HEXIM2: variants seen among roughly 807,000 people sequenced by gnomAD.
The protein encoded by HEXIM2 is protein HEXIM2.
For missense variants in HEXIM2, 413 were observed against 390.8 expected (o/e 1.06, Z -0.48); for synonymous variants, 159 against 162.7 (o/e 0.98, Z 0.17).
Position 45,161,962 on chromosome 17 carries a change from T to G in HEXIM2, c.-262T>G, listed in dbSNP as rs1459941524. 3.0e-6 allele frequency: 3 copies of G among 985,480 alleles called. No individual in the cohort carries two copies. The highest frequency in any genetic ancestry group is 1.2e-4 in the Admixed American group (2 of 16,264). The allele number at this position is 985,480 out of a possible 1,614,324, so 61.0% of individuals were successfully genotyped here. ...GAGGTAGGGCTCAGGCGTTGGGAAT[T>G]GCACCGACAGGCAGTCGCACAGAAA... On this transcript the variant is annotated 5_prime_UTR_variant, in exon 1 of 4. It adds an upstream start codon to the 5' untranslated region. Transcript: ENST00000589230.
intron 3 of HEXIM2, among the ~76,000 whole-genome samples, chr17:45,166,302 T>C (rs2042841012): frequency 6.6e-6 from 1 of 152,090 alleles, no homozygotes; most frequent in Admixed American, 6.6e-5. Flanking sequence ...TTTTTTGTAA[T>C]TTTTGGTAGA....
rs760054542 is a variant in HEXIM2 at position 45,169,281 on chromosome 17, T to C, written c.333T>C (p.Ala111=). Residue 111 remains alanine (A), a synonymous_variant, in exon 4 of 4, where the codon GCT becomes GCC. Transcript: ENST00000589230. ...HWRPYLELSW[A]EKQQRDERQS... The stretch of plus-strand genomic sequence containing the variant: ...GACCCTACCTGGAGCTGAGCTGGGC[T>C]GAGAAACAACAGCGGGATGAGAGGC... 2 of 1,613,516 alleles carry C rather than the reference T, an allele frequency of 1.2e-6. No homozygotes were observed. The highest frequency in any genetic ancestry group is 8.5e-7 in the Non-Finnish European group (1 of 1,179,952).
chr17:45,168,849 T>C, intron 3 of HEXIM2, 166 bp from the exon 4 acceptor site: 1 of 705,610 alleles, frequency 1.4e-6, no homozygotes, highest in Non-Finnish European at 2.4e-6. Context: ...GGACAGACAG[T>C]AGACAGGTCT....
chr17:45,162,089 C>T, intron 1 of HEXIM2, 58 bp downstream of exon 1: 1 of 861,238 alleles, frequency 1.2e-6, no homozygotes, highest in Non-Finnish European at 1.4e-6. Context: ...TCCAAGAAAT[C>T]CATCCTTATC....
Position 45,161,910 on chromosome 17 carries a change from T to C in HEXIM2, c.-314T>C, listed in dbSNP as rs2042707107. On this transcript the variant is annotated 5_prime_UTR_variant, in exon 1 of 4. Transcript: ENST00000589230. ...CCCCATCTTAGTGGCCTGAGCGGCT[T>C]GACCAGAGCTGCTGCAACTGCAGCA... The C allele has an allele frequency of 2.0e-6, 2 of 985,452 alleles. No individual in the cohort carries two copies. Among genetic ancestry groups the C allele is most frequent in the Admixed American group, 6.1e-5 (1 of 16,262 alleles). 61.0% of individuals were successfully genotyped at this position (985,452 alleles called of 1,614,324 possible).
chr17:45,169,022 G>A lies in HEXIM2; in HGVS notation c.74G>A (p.Gly25Asp). 1.9e-6 allele frequency: 3 copies of A among 1,607,610 alleles called. No homozygotes were observed. Among genetic ancestry groups the A allele is most frequent in the Non-Finnish European group, 2.6e-6 (3 of 1,176,472 alleles). ...CCTCCTCCCTCTCTTTAGACCTCTG[G>A]TGCCCCGGGGAGCCCCCAAACACCC... is the stretch of plus-strand genomic sequence containing the variant. ...PVALEEAKTS[G>D]APGSPQTPPE... The change falls in exon 4 of 4, where the codon GGT becomes GAT. Residue 25 changes from glycine (G) to aspartate (D), a missense_variant. Coordinates refer to ENST00000589230, the MANE Select transcript of HEXIM2 (RefSeq NM_001303441.2).
intron 3 of HEXIM2, among the ~76,000 whole-genome samples, chr17:45,167,896 T>A (rs2042904591): frequency 6.6e-6 from 1 of 150,882 alleles, no homozygotes; most frequent in Admixed American, 6.6e-5. Flanking sequence ...TCGCCCGGCC[T>A]GTTTGTTTGT....
chr17:45,161,167 A>T, upstream of HEXIM2: 1 of 372,038 alleles, frequency 2.7e-6, no homozygotes, highest in Non-Finnish European at 5.3e-6. Context: ...GCTCGGCCTC[A>T]GGATCCGCGC....
In HEXIM2 at chr17:45,169,467, T is replaced by A; in HGVS notation, c.519T>A (p.Ser173Arg). The A allele has an allele frequency of 6.2e-7, 1 of 1,607,916 alleles. No homozygotes were observed. The highest frequency in any genetic ancestry group is 8.5e-7 in the Non-Finnish European group (1 of 1,178,226). ...GISHPGSSGESEAGDSDGRGR... is the reference protein window; with the variant it reads ...GISHPGSSGEREAGDSDGRGR... ...CCCACCCAGGTTCCAGTGGGGAGAGTGAGGCCGGGGACAGTGATGGGCGGG... is the reference window on the plus strand; with the variant it reads ...CCCACCCAGGTTCCAGTGGGGAGAGAGAGGCCGGGGACAGTGATGGGCGGG... The change falls in exon 4 of 4, where the codon AGT becomes AGA. Residue 173 changes from serine (S) to arginine (R), a missense_variant. Coordinates refer to ENST00000589230, the MANE Select transcript of HEXIM2 (RefSeq NM_001303441.2).
intron 3 of HEXIM2, among the ~76,000 whole-genome samples, chr17:45,165,897 C>T (rs1372254196): frequency 2.4e-4 from 36 of 152,014 alleles, no homozygotes; most frequent in African/African-American, 6.8e-4. Context: ...CAGGTTCAAG[C>T]GATTCTCCTA....
chr17:45,169,309 A>T lies in HEXIM2; in HGVS notation c.361A>T (p.Ser121Cys). 1.2e-6 allele frequency: 2 copies of T among 1,613,838 alleles called. No homozygotes were observed. Among genetic ancestry groups the T allele is most frequent in the South Asian group, 2.2e-5 (2 of 91,076 alleles). The change falls in exon 4 of 4, where the codon AGC (serine) becomes TGC (cysteine). Residue 121 changes from serine to cysteine, a missense_variant. Transcript: ENST00000589230. Reference sequence around the variant, plus strand: ...GAAACAACAGCGGGATGAGAGGCAGAGCCAGAGGGCCTCCCGGGTCCGCGA... The same window carrying T: ...GAAACAACAGCGGGATGAGAGGCAGTGCCAGAGGGCCTCCCGGGTCCGCGA... ...AEKQQRDERQ[S>C]QRASRVREEM...
chr17:45,162,828 CAG>C lies in HEXIM2; in HGVS notation c.38_39del (p.Glu13ValfsTer22), dbSNP rs1481073966. The C allele has an allele frequency of 3.1e-6, 5 of 1,613,734 alleles. No homozygotes were observed. In the South Asian group the frequency reaches 3.3e-5, roughly 11 times the overall value. ...ACTCCGAACCAGACCGCCTGTAATG[CAG>C]AGTCACCAGTGGCCCTGGAGGAGGC... On this transcript the variant is annotated frameshift_variant, in exon 3 of 4. Coordinates refer to ENST00000589230, the MANE Select transcript of HEXIM2 (RefSeq NM_001303441.2). LOFTEE classifies it low-confidence loss of function (END_TRUNC).
chr17:45,165,472 G>A (rs1413456308), intron 3 of HEXIM2, among the ~76,000 whole-genome samples: 2 of 152,166 alleles, frequency 1.3e-5, no homozygotes, highest in East Asian at 3.8e-4. Context: ...ACCAGTGGTA[G>A]TGGTTATTAT....
At position 45,169,626 on chromosome 17, in the gene HEXIM2, G is replaced by A. The variant is rs1251017619; in HGVS notation, c.678G>A (p.Gln226=). ...TGGAGCTGGAGAAGCGGCTGTCGCA[G>A]GCGGAGGAGGAGACTAGGAGGCTGC... ...DYLELEKRLS[Q]AEEETRRLQQ... Residue 226 remains glutamine, a synonymous_variant, in exon 4 of 4, where the codon CAG becomes CAA. Coordinates refer to ENST00000589230, the MANE Select transcript of HEXIM2 (RefSeq NM_001303441.2). The A allele has an allele frequency of 6.5e-7, 1 of 1,536,270 alleles. No individual in the cohort carries two copies. Among genetic ancestry groups the A allele is most frequent in the Non-Finnish European group, 8.8e-7 (1 of 1,139,648 alleles).
In HEXIM2 at chr17:45,169,713, G is replaced by A; in HGVS notation, c.765G>A (p.Glu255=). 2 of 1,524,530 alleles carry A rather than the reference G, an allele frequency of 1.3e-6. No individual in the cohort carries two copies. Among genetic ancestry groups the A allele is most frequent in the Middle Eastern group, 1.7e-4 (1 of 5,862 alleles). 94.4% of individuals were successfully genotyped at this position (1,524,530 alleles called of 1,614,324 possible). Residue 255 remains glutamate (E), a synonymous_variant, in exon 4 of 4, where the codon GAG becomes GAA. Coordinates refer to ENST00000589230, the MANE Select transcript of HEXIM2 (RefSeq NM_001303441.2). ...GCCAGGTGGAGGAGCTGGCTGCCGA[G>A]GTCCAGAGGCTCCGGACCGAAAACC... ...SCRQVEELAA[E]VQRLRTENQR... is the part of the protein sequence containing the mutation.
chr17:45,162,603 G>A lies in HEXIM2; in HGVS notation c.-77G>A. On this transcript the variant is annotated 5_prime_UTR_variant, in exon 2 of 4. Transcript: ENST00000589230. ...TGGAGGTGTGAAAACCAGCGGTGGA[G>A]GCAGCCTTCGGGGCCTGCATTTGAG... The A allele has an allele frequency of 7.0e-7, 1 of 1,423,396 alleles. No homozygotes were observed. Among genetic ancestry groups the A allele is most frequent in the Non-Finnish European group, 9.2e-7 (1 of 1,089,816 alleles). The allele number at this position is 1,423,396 out of a possible 1,614,324, so 88.2% of individuals were successfully genotyped here.
At chr17:45,164,848 G>T (rs113215819) in intron 3 of HEXIM2, among the ~76,000 whole-genome samples, 1 of 152,142 alleles carries the variant, frequency 6.6e-6, no homozygotes, top group East Asian at 1.9e-4. Context: ...TAGGACAGAG[G>T]TCAGAGAGCT....
At position 45,169,489 on chromosome 17, in the gene HEXIM2, C is replaced by T; in HGVS notation, c.541C>T (p.Arg181Trp). Residue 181 changes from arginine to tryptophan, a missense_variant, in exon 4 of 4, where the codon CGG becomes TGG. Physicochemically the swap from Arg to Trp is moderately radical, Grantham distance 101 (BLOSUM62 -3). Coordinates refer to ENST00000589230, the MANE Select transcript of HEXIM2 (RefSeq NM_001303441.2). ...GAGTGAGGCCGGGGACAGTGATGGG[C>T]GGGGCCGAGCGCACGGTGAGTTCCA... ...GESEAGDSDG[R>W]GRAHGEFQRK... The T allele has an allele frequency of 1.2e-6, 2 of 1,612,550 alleles. No homozygotes were observed. Among genetic ancestry groups the T allele is most frequent in the Non-Finnish European group, 1.7e-6 (2 of 1,179,438 alleles).
rs556056680 is a variant in HEXIM2 at position 45,169,117 on chromosome 17, G to T, written c.169G>T (p.Asp57Tyr). The T allele has an allele frequency of 1.2e-6, 2 of 1,614,076 alleles. No individual in the cohort carries two copies. The highest frequency in any genetic ancestry group is 1.1e-5 in the South Asian group (1 of 91,082). ...PRMESHSEDE[D>Y]LAGAVGGLGW... Reference sequence around the variant, plus strand: ...GATGGAGAGCCACTCAGAGGATGAAGATCTTGCTGGGGCTGTCGGTGGCCT... The same window carrying T: ...GATGGAGAGCCACTCAGAGGATGAATATCTTGCTGGGGCTGTCGGTGGCCT... The change falls in exon 4 of 4, where the codon GAT (aspartate) becomes TAT (tyrosine). Residue 57 changes from aspartate (D) to tyrosine (Y), a missense_variant. Physicochemically the swap from Asp to Tyr is radical, Grantham distance 160. Transcript: ENST00000589230.
Sources: allele counts gnomAD v4.1 joint callset (sites outside exome capture counted in the v4.1 genomes callset), GRCh38; gene constraint gnomAD v4.1.1; transcripts MANE v1.5; gene names NCBI Gene and HGNC (gene_info 2026-07-23, HGNC 2026-07-21).